The following CELF2 variants were observed in gnomAD, a reference collection of about 807,000 sequenced individuals.
CELF2 encodes the protein CUGBP Elav-like family member 2, also known as CUG triplet repeat RNA-binding protein 2.
A neutral mutation model predicts 62.6 loss-of-function variants in CELF2; 8 were observed. That is an observed-to-expected ratio of 0.13 (90% CI 0.07 to 0.23). The LOEUF (loss-of-function observed/expected upper bound fraction) is 0.23. Ranked by LOEUF, CELF2 falls within the 10% of genes least tolerant of loss-of-function variation. CELF2 has a pLI of 1.00. For missense variants in CELF2, 333 were observed against 671.0 expected, an observed-to-expected ratio of 0.50 and a Z score of 5.56; for synonymous variants, 258 against 250.0, an observed-to-expected ratio of 1.03 and a Z score of -0.30.
chr10:10,762,176 A>C, the CELF2 span, among the ~76,000 whole-genome samples: 5 of 152,112 alleles, frequency 3.3e-5, no homozygotes, highest in Non-Finnish European at 7.4e-5. Context: ...TTAGGAGAGA[A>C]GGATGACCCA....
chr10:10,625,357 ATTAATGCAT>A, the CELF2 span, among the ~76,000 whole-genome samples: 3 of 152,244 alleles, frequency 2.0e-5, no homozygotes, highest in Non-Finnish European at 4.4e-5. Context: ...GCCATTACAT[ATTAATGCAT>A]TTGATGCTCA....
chr10:10,932,676 ATGTGTG>A (rs72121252), intron 2 of CELF2, among the ~76,000 whole-genome samples: 17,604 of 150,808 alleles, frequency 0.12, 1,282 homozygotes, highest in Admixed American at 0.25. Flanking sequence ...ATGTATGTGT[ATGTGTG>A]TGTGTGTGTG....
chr10:10,584,606 C>A, the CELF2 span, among the ~76,000 whole-genome samples: 1 of 152,180 alleles, frequency 6.6e-6, no homozygotes. Context: ...GCTTTAACAG[C>A]CCTGTTTCTC....
At chr10:10,672,480 T>A in the CELF2 span, among the ~76,000 whole-genome samples, 6 of 147,554 alleles carry the variant, frequency 4.1e-5, no homozygotes, top group African/African-American at 1.5e-4. Flanking sequence ...AAGGTCTGTG[T>A]CTACATTCCT....
chr10:10,587,917 G>C, the CELF2 span, among the ~76,000 whole-genome samples: 1 of 152,052 alleles, frequency 6.6e-6, no homozygotes, highest in Non-Finnish European at 1.5e-5. Flanking sequence ...CGCAGATTTG[G>C]GAAAAGGTTT....
chr10:10,851,683 G>A (rs2132813605), intron 1 of CELF2, among the ~76,000 whole-genome samples: 1 of 152,224 alleles, frequency 6.6e-6, no homozygotes, highest in East Asian at 1.9e-4. Flanking sequence ...GGAGAAAATA[G>A]GTCTAAATCC....
At chr10:11,169,803 G>A (rs982923964) in intron 2 of CELF2, among the ~76,000 whole-genome samples, 1 of 152,192 alleles carries the variant, frequency 6.6e-6, no homozygotes, top group Non-Finnish European at 1.5e-5. Context: ...GAAGGAAGAG[G>A]ACTTGATAAC....
the CELF2 span, among the ~76,000 whole-genome samples, chr10:10,591,782 T>C: frequency 6.6e-6 from 1 of 152,226 alleles, no homozygotes; most frequent in African/African-American, 2.4e-5. Context: ...AGAGGCTTTG[T>C]CACCAGTAGC....
intron 1 of CELF2, among the ~76,000 whole-genome samples, chr10:10,891,544 T>C (rs117715734): frequency 0.019 from 2,893 of 151,898 alleles, 44 homozygotes; most frequent in Middle Eastern, 0.054. Context: ...GAGAGGTATG[T>C]GTCATGTTTC....
intron 3 of CELF2, among the ~76,000 whole-genome samples, chr10:11,234,979 G>C (rs939870806): frequency 1.3e-5 from 2 of 152,160 alleles, no homozygotes; most frequent in Non-Finnish European, 2.9e-5. Flanking sequence ...ATGATGCAGT[G>C]AGTTTTCTGG....
the CELF2 span, among the ~76,000 whole-genome samples, chr10:10,645,770 C>T: frequency 3.3e-5 from 5 of 152,158 alleles, no homozygotes. Context: ...TGGTGGGGAA[C>T]AGGTACTCAA....
intron 1 of CELF2, among the ~76,000 whole-genome samples, chr10:11,126,339 A>C (rs759016755): frequency 5.3e-5 from 8 of 152,310 alleles, no homozygotes; most frequent in Admixed American, 1.3e-4. Flanking sequence ...TCAAAAATGG[A>C]CCAGTATACC....
In CELF2 at chr10:11,305,352, C is replaced by T. The variant is rs2094121007; in HGVS notation, c.977-8787C>T. On this transcript the variant is annotated intron_variant, in intron 9 of 12. Transcript: ENST00000633077. This position sits in a 1 kb window ranked among gnomAD's most constrained non-coding sequence, Gnocchi z 4.8. ...TGGCCTCCTTGTGGAGTCCTCATGC[C>T]CACACCTGGGTGCCGGCGCCCATCC... Among the ~76,000 whole-genome samples the T allele has an allele frequency of 6.6e-6, 1 of 152,202 alleles. No homozygotes were observed. Among genetic ancestry groups the T allele is most frequent in the Non-Finnish European group, 1.5e-5 (1 of 68,042 alleles).
At chr10:10,743,513 C>A in the CELF2 span, among the ~76,000 whole-genome samples, 2 of 152,160 alleles carry the variant, frequency 1.3e-5, no homozygotes, top group African/African-American at 4.8e-5. Flanking sequence ...ACCATTGGCC[C>A]AAACTCATAT....
At position 11,084,810 on chromosome 10, in the gene CELF2, G is replaced by A. The variant is rs534816148; in HGVS notation, c.74+66647G>A. Reference sequence around the variant, plus strand: ...CTGCCCAGAGAATGTGAAAATTACTGTCTAGAGAATACAGACCCCGCAACA... The same window carrying A: ...CTGCCCAGAGAATGTGAAAATTACTATCTAGAGAATACAGACCCCGCAACA... On this transcript the variant is annotated intron_variant, in intron 1 of 12. Transcript: ENST00000633077. 6.6e-5 allele frequency among the ~76,000 whole-genome samples: 10 copies of A among 152,230 alleles called. 1 individual carries two copies. The South Asian group carries it at 2.1e-3, about 32-fold the overall frequency.
chr10:11,199,356 G>C (rs1015223625), intron 2 of CELF2, among the ~76,000 whole-genome samples: 1 of 152,062 alleles, frequency 6.6e-6, no homozygotes, highest in Admixed American at 6.6e-5. Context: ...AACAAATCTT[G>C]AGCCCTCTAG....
At chr10:11,181,276 A>ATC (rs1378113960) in intron 2 of CELF2, among the ~76,000 whole-genome samples, 1 of 152,100 alleles carries the variant, frequency 6.6e-6, no homozygotes, top group Non-Finnish European at 1.5e-5. Flanking sequence ...AGCTGGGCAC[A>ATC]TCTCTCTGCC....
Position 11,177,690 on chromosome 10 carries a change from C to G in CELF2, c.271+12008C>G, listed in dbSNP as rs637278. ...ATCCTCTGTAAGATAGTCAAGGCTTCTCCAGTAGAAAGTTAGGTTTTGTAA... is the reference window on the plus strand; with the variant it reads ...ATCCTCTGTAAGATAGTCAAGGCTTGTCCAGTAGAAAGTTAGGTTTTGTAA... On this transcript the variant is annotated intron_variant, in intron 2 of 12. Transcript: ENST00000633077. This position sits in a 1 kb window ranked among gnomAD's most constrained non-coding sequence, Gnocchi z 4.8. Among the ~76,000 whole-genome samples the G allele has an allele frequency of 0.099, 15,068 of 152,202 alleles. 1,032 individuals carry two copies. The highest frequency in any genetic ancestry group is 0.18 in the African/African-American group (7,540 of 41,498).
At chr10:10,893,914 A>G (rs1451328747) in intron 1 of CELF2, among the ~76,000 whole-genome samples, 1 of 152,178 alleles carries the variant, frequency 6.6e-6, no homozygotes, top group African/African-American at 2.4e-5. Flanking sequence ...GGGGGTTACA[A>G]TTGAACACGA....
Sources: gnomAD v4.1 joint callset for allele counts (sites outside exome capture counted in the v4.1 genomes callset) on GRCh38, gnomAD v4.1.1 for gene constraint, Gnocchi (gnomAD v3.1) non-coding constraint, MANE v1.5 for transcripts, NCBI Gene and HGNC (gene_info 2026-07-23, HGNC 2026-07-21) for gene names.